Variants in ABCB5 observed in about 807,000 individuals in gnomAD.
ABCB5 encodes the protein ATP binding cassette subfamily B member 5.
Under a neutral mutation model 144.2 loss-of-function variants are expected in ABCB5, and 155 were observed. The ratio of observed to expected loss-of-function variants is 1.08; its 90% CI spans 0.94 to 1.23. ABCB5 has a LOEUF of 1.23. ABCB5 is among the 50% of genes most tolerant of loss of function. The pLI is 0.00. For synonymous variants in ABCB5, 610 were observed against 528.6 expected (o/e 1.15, Z -2.11); for missense variants, 1,830 against 1,520.8 (o/e 1.20, Z -3.38).
chr7:20,709,154 T>A (rs1158348586), intron 20 of ABCB5, among the ~76,000 whole-genome samples: 1 of 151,006 alleles, frequency 6.6e-6, no homozygotes, highest in Non-Finnish European at 1.5e-5. Context: ...CAGCCTTATA[T>A]AAGTTACGCA....
At position 20,615,753 on chromosome 7, in the gene ABCB5, C is replaced by A. The variant is rs1221293198; in HGVS notation, c.-106C>A. On this transcript the variant is annotated 5_prime_UTR_variant, in exon 1 of 28. Transcript: ENST00000404938. ...CTTGTATCTGAAAGCTTTATCCTAT[C>A]CTCTTCAGAAGACTTCAGTCTTTTC... 2 of 152,250 alleles carry A rather than the reference C, an allele frequency of 1.3e-5. No individual in the cohort carries two copies. Among genetic ancestry groups the A allele is most frequent in the African/African-American group, 2.4e-5 (1 of 41,422 alleles). The allele number at this position is 152,250 out of a possible 1,614,324, so 9.4% of individuals were successfully genotyped here.
chr7:20,666,708 T>C, intron 14 of ABCB5: 1 of 1,578,422 alleles, frequency 6.3e-7, no homozygotes, highest in African/African-American at 1.4e-5. Flanking sequence ...GTGTAATCTG[T>C]GAAGTAGGAT....
chr7:20,688,572 G>C (rs932161746), intron 16 of ABCB5, among the ~76,000 whole-genome samples: 2 of 152,166 alleles, frequency 1.3e-5, no homozygotes, highest in Non-Finnish European at 2.9e-5. Context: ...GATTCCTCAA[G>C]GATCAAGAAC....
intron 13 of ABCB5, among the ~76,000 whole-genome samples, chr7:20,657,692 G>C (rs1280289265): frequency 6.6e-6 from 1 of 152,120 alleles, no homozygotes; most frequent in Non-Finnish European, 1.5e-5. Context: ...TTATTGGTAT[G>C]GTGGTAACAT....
chr7:20,752,560 C>T (rs1782963349), intron 26 of ABCB5, among the ~76,000 whole-genome samples: 1 of 152,116 alleles, frequency 6.6e-6, no homozygotes, highest in South Asian at 2.1e-4. Flanking sequence ...TTTCAAGACG[C>T]CAACCTGGCC....
intron 14 of ABCB5, among the ~76,000 whole-genome samples, chr7:20,664,764 C>T (rs997185647): frequency 1.2e-4 from 19 of 152,134 alleles, no homozygotes; most frequent in African/African-American, 3.9e-4. Flanking sequence ...TTGTAAATTT[C>T]TCCACAAATA....
intron 11 of ABCB5, among the ~76,000 whole-genome samples, chr7:20,649,228 A>G (rs577474562): frequency 6.6e-6 from 1 of 152,320 alleles, no homozygotes; most frequent in South Asian, 2.1e-4. Flanking sequence ...CACCTCCTTC[A>G]GAGAACTTTT....
intron 19 of ABCB5, among the ~76,000 whole-genome samples, chr7:20,704,230 C>T (rs555473734): frequency 1.3e-5 from 2 of 151,888 alleles, no homozygotes; most frequent in African/African-American, 2.4e-5. Context: ...GTGCACACCA[C>T]CATGCCCAGC....
At position 20,728,231 on chromosome 7, in the gene ABCB5, C is replaced by T. The variant is rs114075371; in HGVS notation, c.2727-84C>T. 4,129 of 1,419,668 alleles carry T rather than the reference C, an allele frequency of 2.9e-3. 109 individuals carry two copies. In the African/African-American group the frequency reaches 0.053, roughly 18 times the overall value. 87.9% of individuals were successfully genotyped at this position (1,419,668 alleles called of 1,614,324 possible). A position where few individuals can be genotyped will look rare whatever the true frequency, so the allele number is the denominator to read the frequency against. On this transcript the variant is annotated intron_variant, in intron 22 of 27. Transcript: ENST00000404938. ...CCACCAAATTATAACATTTCAAAGT[C>T]CTCTCTATTTATTACTCTACATGTA... is the stretch of plus-strand genomic sequence containing the variant.
At chr7:20,658,438 C>T (rs1784884205) in intron 13 of ABCB5, 68 bp from the exon 14 acceptor site, 1 of 1,486,558 alleles carries the variant, frequency 6.7e-7, no homozygotes, top group Non-Finnish European at 9.2e-7. Flanking sequence ...CTGGGATTGT[C>T]ATTTCCTGTT....
intron 27 of ABCB5, among the ~76,000 whole-genome samples, chr7:20,754,253 G>A (rs1401191440): frequency 6.6e-6 from 1 of 152,194 alleles, no homozygotes; most frequent in Non-Finnish European, 1.5e-5. Flanking sequence ...GAGGGTATCT[G>A]ACCTAAGAGC....
chr7:20,637,737 T>C (rs1030515218), intron 5 of ABCB5, among the ~76,000 whole-genome samples: 3 of 152,106 alleles, frequency 2.0e-5, no homozygotes, highest in Non-Finnish European at 4.4e-5. Flanking sequence ...CTTAATTCTA[T>C]GTGAACTTCT....
chr7:20,741,908 C>T (rs1302896126), intron 24 of ABCB5, among the ~76,000 whole-genome samples: 1 of 152,054 alleles, frequency 6.6e-6, no homozygotes, highest in Non-Finnish European at 1.5e-5. Context: ...ATCTTATGAA[C>T]CAAATATATA....
Position 20,645,823 on chromosome 7 carries a change from T to A in ABCB5, c.746T>A (p.Val249Asp). Residue 249 changes from valine (V) to aspartate (D), a missense_variant, in exon 8 of 28, where the codon GTC becomes GAC. By Grantham distance (152) the Val-to-Asp change is radical. Transcript: ENST00000404938. ...YSKAGAVAEE[V>D]LSSIRTVIAF... ...AAAGCTGGGGCTGTGGCAGAAGAAGTCTTGTCATCAATCCGAACAGTCATA... is the reference window on the plus strand; with the variant it reads ...AAAGCTGGGGCTGTGGCAGAAGAAGACTTGTCATCAATCCGAACAGTCATA... 1 of 1,613,860 alleles carries A rather than the reference T, an allele frequency of 6.2e-7. No individual in the cohort carries two copies. The highest frequency in any genetic ancestry group is 1.1e-5 in the South Asian group (1 of 91,080).
chr7:20,666,275 G>T (rs1238146870), intron 14 of ABCB5, among the ~76,000 whole-genome samples: 2 of 152,176 alleles, frequency 1.3e-5, no homozygotes, highest in Non-Finnish European at 2.9e-5. Flanking sequence ...AAGGCAGTGA[G>T]TGGGAACTTG....
At chr7:20,709,438 G>A (rs1786936770) in intron 20 of ABCB5, among the ~76,000 whole-genome samples, 1 of 149,670 alleles carries the variant, frequency 6.7e-6, no homozygotes, top group Non-Finnish European at 1.5e-5. Context: ...GTATTTTTCA[G>A]CACTATTTAG....
chr7:20,711,794 T>TC (rs1562573624), intron 20 of ABCB5, among the ~76,000 whole-genome samples: 3,812 of 85,538 alleles, frequency 0.045, 422 homozygotes, highest in African/African-American at 0.049. Flanking sequence ...CTTTCTTTCT[T>TC]TCTTTCTTTC....
chr7:20,637,981 C>G (rs1362631391), intron 5 of ABCB5, among the ~76,000 whole-genome samples: 10 of 152,132 alleles, frequency 6.6e-5, no homozygotes, highest in African/African-American at 2.4e-4. Context: ...TCTGGGGCTG[C>G]TGAAATTCTT....
intron 5 of ABCB5, among the ~76,000 whole-genome samples, chr7:20,637,617 T>C (rs1184273618): frequency 1.3e-5 from 2 of 151,998 alleles, no homozygotes; most frequent in Non-Finnish European, 2.9e-5. Flanking sequence ...ATGGGGGTTC[T>C]CCATGTTGGT....
Sources: gnomAD v4.1 joint callset for allele counts (sites outside exome capture counted in the v4.1 genomes callset) on GRCh38, gnomAD v4.1.1 for gene constraint, MANE v1.5 for transcripts, NCBI Gene and HGNC (gene_info 2026-07-23, HGNC 2026-07-21) for gene names.